Variants in AARS1 observed in about 807,000 individuals in gnomAD.
AARS1 encodes the protein alanyl-tRNA synthetase 1, also known as alanine--tRNA ligase, cytoplasmic.
A neutral mutation model predicts 108.9 loss-of-function variants in AARS1; 72 were observed. The ratio of observed to expected loss-of-function variants is 0.66; its 90% confidence interval spans 0.55 to 0.80. The LOEUF (loss-of-function observed/expected upper bound fraction) is 0.80. Among genes scored for constraint, AARS1 ranks in the 30% least tolerant of loss-of-function variants. The pLI, the probability that AARS1 is intolerant of heterozygous loss-of-function variation, is 0.00. For synonymous variants in AARS1, 489 were observed against 465.7 expected, an observed-to-expected ratio of 1.05 and a Z score of -0.64; for missense variants, 1,193 against 1,233.2, an observed-to-expected ratio of 0.97 and a Z score of 0.49.
chr16:70,277,824 G>C (rs1413259124), intron 2 of AARS1, among the ~76,000 whole-genome samples: 1 of 151,116 alleles, frequency 6.6e-6, no homozygotes, highest in Non-Finnish European at 1.5e-5. Flanking sequence ...ACAATCTCAG[G>C]TCACTGCAAC....
At chr16:70,270,579 C>T (rs1261521115) in intron 5 of AARS1, among the ~76,000 whole-genome samples, 1 of 152,114 alleles carries the variant, frequency 6.6e-6, no homozygotes, top group Non-Finnish European at 1.5e-5. Context: ...TGGCTCATGC[C>T]TGTAATCCCA....
chr16:70,289,133 C>T (rs1295450744), intron 1 of AARS1, among the ~76,000 whole-genome samples: 1 of 152,156 alleles, frequency 6.6e-6, no homozygotes. Flanking sequence ...ATCCTTCCTC[C>T]CGTGCCCCCA....
intron 4 of AARS1, 22 bp from the exon 5 acceptor site, chr16:70,271,994 G>C: frequency 6.2e-7 from 1 of 1,610,552 alleles, no homozygotes; most frequent in Non-Finnish European, 8.5e-7. Flanking sequence ...GTAAAGATAA[G>C]TCCAGTTACA....
chr16:70,268,274 G>T lies in AARS1; in HGVS notation c.1068C>A (p.Ser356=), dbSNP rs1960313873. 6.2e-7 allele frequency: 1 copy of T among 1,613,744 alleles called. No homozygotes were observed. Among genetic ancestry groups the T allele is most frequent in the African/African-American group, 1.3e-5 (1 of 75,030 alleles). Residue 356 remains serine (S), a synonymous_variant, in exon 8 of 21, where the codon TCC becomes TCA. Transcript: ENST00000261772. The stretch of plus-strand genomic sequence containing the variant: ...GTAAGCAGAGAAATAAACCTACCAG[G>T]GACTGGACGACAACATCCACTAACG... ...FATLVDVVVQ[S]LGDAFPELKK... is the part of the protein sequence containing the mutation.
chr16:70,258,081 G>C lies in AARS1; in HGVS notation c.2129C>G (p.Pro710Arg). 6.2e-7 allele frequency: 1 copy of C among 1,614,104 alleles called. No individual in the cohort carries two copies. Among genetic ancestry groups the C allele is most frequent in the Non-Finnish European group, 8.5e-7 (1 of 1,180,024 alleles). ...AGTCAGGGAGCCAGCAGGCCCAGAG[G>C]GGTCATCCAGCAACTCGGACACCGG... The part of the protein sequence containing the change: ...GVPVSELLDD[P>R]SGPAGSLTSV... Residue 710 changes from proline (P) to arginine (R), a missense_variant, in exon 15 of 21, where the codon CCC becomes CGC. Physicochemically the swap from Pro to Arg is moderately radical, Grantham distance 103. Transcript: ENST00000261772.
chr16:70,282,076 T>TG (rs1352222941), intron 2 of AARS1, among the ~76,000 whole-genome samples: 2 of 141,310 alleles, frequency 1.4e-5, no homozygotes, highest in African/African-American at 2.7e-5. Context: ...GGCATGAACC[T>TG]GGGGGGCGGA....
At position 70,254,565 on chromosome 16, in the gene AARS1, C is replaced by T. The variant is rs1327527108; in HGVS notation, c.2400+56G>A. ...CTGACTACAGATGATTTCCTGAAGA[C>T]GGGGCATGTTTCATGCACCAGGCCC... is the stretch of plus-strand genomic sequence containing the variant. On this transcript the variant is annotated intron_variant, in intron 17 of 20. Coordinates refer to ENST00000261772, the MANE Select transcript of AARS1 (RefSeq NM_001605.3). The T allele has an allele frequency of 7.4e-6, 9 of 1,214,730 alleles. No individual in the cohort carries two copies. The East Asian group carries it at 1.2e-4, about 16-fold the overall frequency. The allele number at this position is 1,214,730 out of a possible 1,614,324, so 75.2% of individuals were successfully genotyped here. A position where few individuals can be genotyped will look rare whatever the true frequency, so the allele number is the denominator to read the frequency against.
chr16:70,284,533 C>T (rs1175149482), intron 1 of AARS1, among the ~76,000 whole-genome samples: 2 of 150,640 alleles, frequency 1.3e-5, no homozygotes, highest in Non-Finnish European at 3.0e-5. Context: ...ACCCAGGAGG[C>T]GGAGCTTGCA....
chr16:70,253,894 G>A (rs1300080854), intron 18 of AARS1, 25 bp downstream of exon 18: 1 of 1,614,182 alleles, frequency 6.2e-7, no homozygotes, highest in Non-Finnish European at 8.5e-7. Flanking sequence ...GAAACACTCT[G>A]GCCACTGGTG....
intron 16 of AARS1, 46 bp downstream of exon 16, chr16:70,255,682 C>CT (rs1249725451): frequency 6.4e-7 from 1 of 1,554,466 alleles, no homozygotes; most frequent in East Asian, 2.2e-5. Flanking sequence ...GACTGGGCTC[C>CT]TCTTGCCTTC....
At chr16:70,279,113 G>C (rs1020919681) in intron 2 of AARS1, among the ~76,000 whole-genome samples, 1 of 150,424 alleles carries the variant, frequency 6.6e-6, no homozygotes, top group Non-Finnish European at 1.5e-5. Flanking sequence ...GCACTTTGTG[G>C]GGCCGAACCA....
intron 4 of AARS1, among the ~76,000 whole-genome samples, chr16:70,273,495 A>G (rs1430517119): frequency 6.6e-6 from 1 of 152,170 alleles, no homozygotes; most frequent in African/African-American, 2.4e-5. Context: ...AGGCAGGTAG[A>G]TCGCTTGAGC....
At position 70,253,273 on chromosome 16, in the gene AARS1, G is replaced by C. The variant is rs776897040; in HGVS notation, c.2716C>G (p.Pro906Ala). Residue 906 changes from proline (P) to alanine (A), a missense_variant, in exon 20 of 21, where the codon CCC (proline) becomes GCC (alanine). Coordinates refer to ENST00000261772, the MANE Select transcript of AARS1 (RefSeq NM_001605.3). ...AGKITCLCQV[P>A]QNAANRGLKA... ...TGGTGCGAGGTGGTGCTGACCTGGG[G>C]AACTTGACACAGGCACGTGATCTTG... The C allele has an allele frequency of 1.4e-5, 23 of 1,612,456 alleles. No individual in the cohort carries two copies. The South Asian group carries it at 2.2e-4, about 15-fold the overall frequency.
chr16:70,252,359 G>C lies in AARS1; in HGVS notation c.*362C>G. 1 of 364,688 alleles carries C rather than the reference G, an allele frequency of 2.7e-6. No individual in the cohort carries two copies. The highest frequency in any genetic ancestry group is 5.1e-6 in the Non-Finnish European group (1 of 196,142). The allele number at this position is 364,688 out of a possible 1,614,324, so 22.6% of individuals were successfully genotyped here. A position where few individuals can be genotyped will look rare whatever the true frequency, so the allele number is the denominator to read the frequency against. ...CTGTCAAAAGAGCCAGCCCCTATTG[G>C]GAAGAGGGATAGAGATCATGCGGCA... On this transcript the variant is annotated 3_prime_UTR_variant, in exon 21 of 21. Coordinates refer to ENST00000261772, the MANE Select transcript of AARS1 (RefSeq NM_001605.3).
chr16:70,265,384 CT>C, intron 10 of AARS1, 153 bp downstream of exon 10: 1 of 1,239,714 alleles, frequency 8.1e-7, no homozygotes, highest in Non-Finnish European at 1.2e-6. Flanking sequence ...CAATTACTCC[CT>C]GGAAGGCAGA....
intron 9 of AARS1, among the ~76,000 whole-genome samples, chr16:70,267,126 A>G (rs1960282618): frequency 1.3e-5 from 2 of 152,054 alleles, no homozygotes; most frequent in Admixed American, 1.3e-4. Flanking sequence ...GTGAGCCACC[A>G]CACCCAGCTG....
intron 1 of AARS1, among the ~76,000 whole-genome samples, 167 bp downstream of exon 1, chr16:70,289,254 G>A (rs567621425): frequency 3.3e-5 from 5 of 152,086 alleles, no homozygotes; most frequent in Admixed American, 3.3e-4. Flanking sequence ...GCGCTCCCGG[G>A]GGCGAACGCA....
At chr16:70,276,361 C>T in intron 4 of AARS1, 125 bp downstream of exon 4, 1 of 1,094,666 alleles carries the variant, frequency 9.1e-7, no homozygotes, top group Non-Finnish European at 1.4e-6. Flanking sequence ...CACTCCTCCC[C>T]ATGTGCATCT....
At chr16:70,285,265 T>C (rs1432033781) in intron 1 of AARS1, among the ~76,000 whole-genome samples, 1 of 150,774 alleles carries the variant, frequency 6.6e-6, no homozygotes, top group South Asian at 2.1e-4. Flanking sequence ...AGGAACAGAA[T>C]GGATAATATT....
Sources: gnomAD v4.1 joint callset for allele counts (sites outside exome capture counted in the v4.1 genomes callset) on GRCh38, gnomAD v4.1.1 for gene constraint, MANE v1.5 for transcripts, NCBI Gene and HGNC (gene_info 2026-07-23, HGNC 2026-07-21) for gene names.